Variants in ARHGEF4 observed in about 807,000 individuals in gnomAD.
ARHGEF4 encodes the protein Rho guanine nucleotide exchange factor 4.
A neutral mutation model predicts 162.0 loss-of-function variants in ARHGEF4; 119 were observed. The ratio of observed to expected loss-of-function variants is 0.73; its 90% CI spans 0.63 to 0.86. The LOEUF is 0.86. Ranked by LOEUF, ARHGEF4 falls within the 40% of genes least tolerant of loss-of-function variation. ARHGEF4 has a pLI of 0.00. For missense variants in ARHGEF4, 2,488 were observed against 2,456.0 expected (o/e 1.01, Z -0.28); for synonymous variants, 1,014 against 979.9 (o/e 1.03, Z -0.65).
chr2:130,897,123 C>G (rs1680202336), intron 1 of ARHGEF4, among the ~76,000 whole-genome samples: 1 of 152,156 alleles, frequency 6.6e-6, no homozygotes, highest in Admixed American at 6.5e-5. Flanking sequence ...TAGTAACATT[C>G]CCCTTGCAGC....
At chr2:130,919,057 C>CT (rs1681708282) in intron 2 of ARHGEF4, among the ~76,000 whole-genome samples, 1 of 152,194 alleles carries the variant, frequency 6.6e-6, no homozygotes, top group African/African-American at 2.4e-5. Flanking sequence ...GTCAGACATA[C>CT]ACATTGCTCT....
rs1158346639 is a variant in ARHGEF4 at position 130,860,697 on chromosome 2, G to A, written c.39+23705G>A. ...TGCACTCCAGCCTGGGCGACAGAGCGAGACTCCATCTCAAAAAAATAAAAA... is the reference window on the plus strand; with the variant it reads ...TGCACTCCAGCCTGGGCGACAGAGCAAGACTCCATCTCAAAAAAATAAAAA... On this transcript the variant is annotated intron_variant, in intron 1 of 13. Coordinates refer to ENST00000409359, the MANE Select transcript of ARHGEF4 (RefSeq NM_001367493.1). Among the ~76,000 whole-genome samples, 17 of 116,052 alleles carry A rather than the reference G, an allele frequency of 1.5e-4. 4 individuals are homozygous for A. The highest frequency in any genetic ancestry group is 2.6e-4 in the Non-Finnish European group (16 of 61,518). The allele number at this position is 116,052 out of a possible 152,430, so 76.1% of individuals were successfully genotyped here.
chr2:131,020,908 A>G (rs1226715363), intron 4 of ARHGEF4, among the ~76,000 whole-genome samples: 2 of 151,982 alleles, frequency 1.3e-5, no homozygotes, highest in Admixed American at 1.3e-4. Flanking sequence ...ATGGTATCTC[A>G]TTGTTTTGAT....
chr2:130,854,447 C>T (rs1681618517), intron 1 of ARHGEF4, among the ~76,000 whole-genome samples: 1 of 152,228 alleles, frequency 6.6e-6, no homozygotes, highest in African/African-American at 2.4e-5. Context: ...GCTGTCACTC[C>T]TGTCCTCTGA....
At chr2:131,015,497 C>T (rs984624421) in intron 4 of ARHGEF4, among the ~76,000 whole-genome samples, 2 of 152,094 alleles carry the variant, frequency 1.3e-5, no homozygotes, top group African/African-American at 4.8e-5. Context: ...GGTCGGGGAG[C>T]CCTGGTGTGG....
chr2:131,019,621 C>A (rs1688968563), intron 4 of ARHGEF4, among the ~76,000 whole-genome samples: 2 of 134,324 alleles, frequency 1.5e-5, no homozygotes, highest in East Asian at 4.4e-4. Context: ...GTATTTTATT[C>A]TTTGGTTTTT....
At chr2:130,930,721 A>T (rs1426644977) in intron 2 of ARHGEF4, among the ~76,000 whole-genome samples, 4 of 152,228 alleles carry the variant, frequency 2.6e-5, no homozygotes, top group African/African-American at 4.8e-5. Context: ...AGATTTTTTA[A>T]AAAATACTCT....
At chr2:131,003,929 T>C (rs1687937130) in intron 4 of ARHGEF4, among the ~76,000 whole-genome samples, 1 of 152,176 alleles carries the variant, frequency 6.6e-6, no homozygotes, top group Admixed American at 6.5e-5. Context: ...TCACAAGTTT[T>C]CACCGAAACA....
intron 4 of ARHGEF4, among the ~76,000 whole-genome samples, chr2:131,019,506 A>G (rs1295616975): frequency 1.3e-5 from 2 of 150,172 alleles, no homozygotes; most frequent in Non-Finnish European, 3.0e-5. Flanking sequence ...AAGACTTTCA[A>G]TTTATGAACA....
intron 1 of ARHGEF4, among the ~76,000 whole-genome samples, chr2:130,852,359 C>G (rs1681467957): frequency 6.6e-6 from 1 of 152,206 alleles, no homozygotes; most frequent in Non-Finnish European, 1.5e-5. Context: ...AGAGGATGGA[C>G]AGGTGATAGC....
chr2:130,899,996 ATATGT>A (rs1342144214), intron 1 of ARHGEF4, among the ~76,000 whole-genome samples: 2 of 152,122 alleles, frequency 1.3e-5, no homozygotes, highest in Non-Finnish European at 2.9e-5. Flanking sequence ...ACTATGGAAA[ATATGT>A]TATTTAATTT....
rs1291644940 is a variant in ARHGEF4, at chr2:131,044,552, C to G, written c.5401+10C>G. The G allele has an allele frequency of 6.5e-7, 1 of 1,545,984 alleles. No individual in the cohort carries two copies. The highest frequency in any genetic ancestry group is 2.0e-5 in the Admixed American group (1 of 50,928). Reference sequence around the variant, plus strand: ...CTGGACCAGGAGACAGGTTCGAGACCCTGCTGGGCCTTGCCCCGCCCCCAG... The same window carrying G: ...CTGGACCAGGAGACAGGTTCGAGACGCTGCTGGGCCTTGCCCCGCCCCCAG... On this transcript the variant is annotated intron_variant, in intron 12 of 13. Coordinates refer to ENST00000409359, the MANE Select transcript of ARHGEF4 (RefSeq NM_001367493.1).
intron 1 of ARHGEF4, among the ~76,000 whole-genome samples, chr2:130,879,760 AT>A (rs1183602802): frequency 6.6e-6 from 1 of 151,524 alleles, no homozygotes; most frequent in Non-Finnish European, 1.5e-5. Context: ...AAATGACAGG[AT>A]TTTCTTCTTT....
intron 2 of ARHGEF4, chr2:130,929,683 A>G (rs2105099071): frequency 6.3e-6 from 1 of 158,956 alleles, no homozygotes; most frequent in East Asian, 1.8e-4. Context: ...TCCAATATTA[A>G]GTAAGCATAC....
At chr2:130,941,718 C>T (rs1425053640) in intron 3 of ARHGEF4, among the ~76,000 whole-genome samples, 12 of 152,176 alleles carry the variant, frequency 7.9e-5, no homozygotes, top group Admixed American at 7.9e-4. Flanking sequence ...TATTTACTCA[C>T]TGGAAGCGGG....
intron 4 of ARHGEF4, among the ~76,000 whole-genome samples, chr2:130,962,657 C>G (rs1310937753): frequency 6.6e-6 from 1 of 152,086 alleles, no homozygotes; most frequent in African/African-American, 2.4e-5. Context: ...CACCAAATGC[C>G]CAGTTTTCTA....
At chr2:130,903,196 C>T in intron 1 of ARHGEF4, among the ~76,000 whole-genome samples, 1 of 150,038 alleles carries the variant, frequency 6.7e-6, no homozygotes, top group East Asian at 2.0e-4. Context: ...TCAGATAATG[C>T]TAACATCTCT....
intron 4 of ARHGEF4, among the ~76,000 whole-genome samples, chr2:130,974,812 A>C (rs1336451257): frequency 6.6e-6 from 1 of 152,120 alleles, no homozygotes; most frequent in East Asian, 1.9e-4. Context: ...AGGGCATGAC[A>C]AACTTAACAT....
chr2:130,881,750 C>T (rs6753022), intron 1 of ARHGEF4, among the ~76,000 whole-genome samples: 14,718 of 152,094 alleles, frequency 0.097, 889 homozygotes, highest in South Asian at 0.18. Flanking sequence ...CTTGCGTGGG[C>T]GAGATGGCGA....
Sources: gnomAD v4.1 joint callset for allele counts (sites outside exome capture counted in the v4.1 genomes callset) on GRCh38, gnomAD v4.1.1 for gene constraint, MANE v1.5 for transcripts, NCBI Gene and HGNC (gene_info 2026-07-23, HGNC 2026-07-21) for gene names.